The following SUSD2 variants were observed in gnomAD, a reference collection of about 807,000 sequenced individuals.
The protein encoded by SUSD2 is sushi domain containing 2.
In SUSD2, 86 loss-of-function variants were observed where a neutral mutation model predicts 93.8. The observed-to-expected ratio is 0.92, with a 90% confidence interval of 0.77 to 1.10. The LOEUF (loss-of-function observed/expected upper bound fraction) is 1.10. Ranked by LOEUF, SUSD2 falls within the 50% of genes least tolerant of loss-of-function variation. The probability of loss-of-function intolerance (pLI) is 0.00; values close to 1 mark genes in which losing one functional copy is unlikely to be tolerated. For missense variants in SUSD2, 1,060 were observed against 1,137.0 expected (o/e 0.93, Z 0.97); for synonymous variants, 483 against 485.0 (o/e 1.00, Z 0.05).
chr22:24,183,746 G>A (rs939994198), intron 3 of SUSD2, 100 bp downstream of exon 3: 2 of 1,345,810 alleles, frequency 1.5e-6, no homozygotes, highest in African/African-American at 2.9e-5. Flanking sequence ...CTGCCTCTCT[G>A]GCTGAACCAG....
At chr22:24,183,428 G>A in intron 2 of SUSD2, 67 bp from the exon 3 acceptor site, 1 of 1,569,916 alleles carries the variant, frequency 6.4e-7, no homozygotes, top group Admixed American at 1.7e-5. Flanking sequence ...GGGAGGTTGG[G>A]GGCCCAGACC....
chr22:24,182,120 C>G (rs2047329309), intron 1 of SUSD2, among the ~76,000 whole-genome samples: 1 of 152,260 alleles, frequency 6.6e-6, no homozygotes, highest in African/African-American at 2.4e-5. Context: ...TTTTAAGTGC[C>G]AGGCACTGCA....
At position 24,188,342 on chromosome 22, in the gene SUSD2, C is replaced by A; in HGVS notation, c.2444+15C>A. The A allele has an allele frequency of 1.9e-6, 3 of 1,609,630 alleles. No homozygotes were observed. Among genetic ancestry groups the A allele is most frequent in the Non-Finnish European group, 1.7e-6 (2 of 1,179,100 alleles). On this transcript the variant is annotated intron_variant, in intron 14 of 14. Transcript: ENST00000358321. The surrounding 1 kb of genome is among the most constrained non-coding windows in gnomAD (Gnocchi z 4.7). ...AAGGGCAACACGTGAGACCCCCCAG[C>A]CCCTCTCCCAAGACCCCGAGACAGC...
chr22:24,184,656 GGGGACCGCCTGGCGGTCCATCCACC>G, intron 4 of SUSD2, 85 bp from the exon 5 acceptor site: 1 of 901,294 alleles, frequency 1.1e-6, no homozygotes, highest in African/African-American at 1.7e-5. Context: ...CCCCTCCTAA[GGGGACCGCCTGGCGGTCCATCCACC>G]CATCTGTCAG....
rs1426034119 is a variant in SUSD2 at position 24,185,881 on chromosome 22, C to T, written c.1291C>T (p.Gln431Ter). Reference protein sequence around the residue: ...LWAPDCPRYMQRRPSNDCRNY... With the variant: ...LWAPDCPRYM ...GGCACCCGACTGCCCCCGCTACATG[C>T]AACGGCGGCCCTCCAATGACTGCCG... Residue 431 changes from glutamine to a stop codon, truncating the protein, a stop_gained, in exon 8 of 15, where the codon CAA (glutamine) becomes TAA (stop). Transcript: ENST00000358321. LOFTEE classifies it high-confidence loss of function. 4 of 1,586,416 alleles carry T rather than the reference C, an allele frequency of 2.5e-6. No homozygotes were observed. The highest frequency in any genetic ancestry group is 1.3e-5 in the African/African-American group (1 of 74,230).
At position 24,188,690 on chromosome 22, in the gene SUSD2, C is replaced by T. The variant is rs927225289; in HGVS notation, c.*254C>T. On this transcript the variant is annotated 3_prime_UTR_variant, in exon 15 of 15. Coordinates refer to ENST00000358321, the MANE Select transcript of SUSD2 (RefSeq NM_019601.4). This position sits in a 1 kb window ranked among gnomAD's most constrained non-coding sequence, Gnocchi z 4.7. ...AATTCCCCAAACCTGAAACTTCATA[C>T]CCTGGGATTCTAATACCTATGTCCT... 3.8e-6 allele frequency: 2 copies of T among 521,310 alleles called. No individual in the cohort carries two copies. The highest frequency in any genetic ancestry group is 1.9e-5 in the African/African-American group (1 of 52,252). The allele number at this position is 521,310 out of a possible 1,614,324, so 32.3% of individuals were successfully genotyped here.
At chr22:24,183,365 G>C in intron 2 of SUSD2, 98 bp downstream of exon 2, 1 of 1,532,524 alleles carries the variant, frequency 6.5e-7, no homozygotes, top group Non-Finnish European at 8.9e-7. Flanking sequence ...GGAGCCCCTC[G>C]GACCCAGGAC....
At chr22:24,185,414 T>C in intron 6 of SUSD2, 72 bp from the exon 7 acceptor site, 4 of 1,529,702 alleles carry the variant, frequency 2.6e-6, no homozygotes, top group Non-Finnish European at 3.5e-6. Flanking sequence ...TCAGGACCCC[T>C]GCAGGGTTGG....
In SUSD2 at chr22:24,181,660, T is replaced by C. The variant is rs2047326791; in HGVS notation, c.76+65T>C. 2.0e-5 allele frequency: 26 copies of C among 1,307,696 alleles called. No individual in the cohort carries two copies. In the South Asian group the frequency reaches 2.4e-4, roughly 12 times the overall value. 81.0% of individuals were successfully genotyped at this position (1,307,696 alleles called of 1,614,324 possible). A position where few individuals can be genotyped will look rare whatever the true frequency, so the allele number is the denominator to read the frequency against. On this transcript the variant is annotated intron_variant, in intron 1 of 14. Transcript: ENST00000358321. ...CATCTGTCTGCAGCCAGGCCTGGGC[T>C]GACATCCCTCTGGGCTCAGCCTCTG... is the stretch of plus-strand genomic sequence containing the variant.
intron 10 of SUSD2, 171 bp downstream of exon 10, chr22:24,186,586 C>G (rs1009965786): frequency 2.6e-6 from 2 of 758,386 alleles, no homozygotes; most frequent in Admixed American, 2.9e-5. Context: ...TCGTACCCAC[C>G]TGGTCAAAAG....
rs370923101 is a variant in SUSD2 at position 24,185,823 on chromosome 22, C to G, written c.1233C>G (p.Tyr411Ter). 1.8e-5 allele frequency: 29 copies of G among 1,609,636 alleles called. No individual in the cohort carries two copies. In the African/African-American group the frequency reaches 3.6e-4, roughly 20 times the overall value. ...PRVPSMSHWLYDVLSFYYCCL... is the reference protein window; with the variant it reads ...PRVPSMSHWL ...TGCCCAGCATGTCCCACTGGCTCTA[C>G]GATGTCCTCAGCTTCTATTACTGCT... Residue 411 changes from tyrosine to a stop codon, truncating the protein, a stop_gained, in exon 8 of 15, where the codon TAC (tyrosine) becomes TAG (stop). Transcript: ENST00000358321. LOFTEE classifies it high-confidence loss of function.
chr22:24,185,913 C>T lies in SUSD2; in HGVS notation c.1323C>T (p.Tyr441=). 6.4e-7 allele frequency: 1 copy of T among 1,570,824 alleles called. No individual in the cohort carries two copies. Among genetic ancestry groups the T allele is most frequent in the South Asian group, 1.2e-5 (1 of 85,726 alleles). Residue 441 remains tyrosine (Y), a synonymous_variant, in exon 8 of 15, where the codon TAC becomes TAT. Transcript: ENST00000358321. ...QRRPSNDCRN[Y]RPPRLASAFG... is the part of the protein sequence containing the mutation. ...GGCCCTCCAATGACTGCCGCAACTA[C>T]CGGCCCCCAAGACTGGGTGGGTGCC...
rs775892435 is a variant in SUSD2 at position 24,183,016 on chromosome 22, C to T, written c.77-41C>T. 6 of 1,574,842 alleles carry T rather than the reference C, an allele frequency of 3.8e-6. No individual in the cohort carries two copies. In the Admixed American group the frequency reaches 8.4e-5, roughly 22 times the overall value. ...GGCCCTGCACATGGGGCAGCCAGTC[C>T]AGTACCCGCCGGGCCAGGCCCTCAG... On this transcript the variant is annotated intron_variant, in intron 1 of 14. Coordinates refer to ENST00000358321, the MANE Select transcript of SUSD2 (RefSeq NM_019601.4).
chr22:24,184,449 G>A (rs796232848), intron 4 of SUSD2, 146 bp downstream of exon 4: 20 of 928,942 alleles, frequency 2.2e-5, no homozygotes, highest in African/African-American at 1.5e-4. Flanking sequence ...TTGAGGATTC[G>A]GATGGAGGGA....
intron 4 of SUSD2, 26 bp downstream of exon 4, chr22:24,184,329 G>C (rs1426081140): frequency 6.2e-7 from 1 of 1,607,712 alleles, no homozygotes; most frequent in South Asian, 1.1e-5. Context: ...GGCTGGGGTG[G>C]CATCAGAGCT....
chr22:24,184,760 C>A lies in SUSD2; in HGVS notation c.608-6C>A. ...CCCAGGGCTAACCAGGCATCCTCTC[C>A]CTCAGGAATGCCCTACTCACAGGAG... On this transcript the variant is annotated splice_region_variant and splice_polypyrimidine_tract_variant and intron_variant, in intron 4 of 14. Transcript: ENST00000358321. 1 of 1,572,216 alleles carries A rather than the reference C, an allele frequency of 6.4e-7. No individual in the cohort carries two copies. Among genetic ancestry groups the A allele is most frequent in the Non-Finnish European group, 8.6e-7 (1 of 1,158,174 alleles).
intron 10 of SUSD2, chr22:24,186,727 A>G: frequency 2.2e-6 from 1 of 444,984 alleles, no homozygotes; most frequent in South Asian, 2.8e-5. Context: ...TCACTCCCTC[A>G]GTCCTCAAAA....
chr22:24,183,674 G>A (rs1196554323), intron 3 of SUSD2, 28 bp downstream of exon 3: 1 of 1,601,580 alleles, frequency 6.2e-7, no homozygotes, highest in Non-Finnish European at 8.5e-7. Context: ...CCCACAGCCT[G>A]CCCCCACGGG....
At chr22:24,185,073 C>T (rs772899859) in intron 5 of SUSD2, 21 bp from the exon 6 acceptor site, 1 of 1,612,658 alleles carries the variant, frequency 6.2e-7, no homozygotes. Context: ...TGGCCCAGCT[C>T]CAGCATCATC....
Sources: allele counts gnomAD v4.1 joint callset (sites outside exome capture counted in the v4.1 genomes callset), GRCh38; gene constraint gnomAD v4.1.1; non-coding constraint Gnocchi (gnomAD v3.1); transcripts MANE v1.5; gene names NCBI Gene and HGNC (gene_info 2026-07-23, HGNC 2026-07-21).